ATP2A2: variants seen among roughly 807,000 people sequenced by gnomAD.
The protein encoded by ATP2A2 is ATPase sarcoplasmic/endoplasmic reticulum Ca2+ transporting 2.
A neutral mutation model predicts 109.3 loss-of-function variants in ATP2A2; 14 were observed. The observed-to-expected ratio is 0.13, with a 90% confidence interval of 0.08 to 0.20. The LOEUF (loss-of-function observed/expected upper bound fraction) is 0.20. Among genes scored for constraint, ATP2A2 ranks in the 10% least tolerant of loss-of-function variants. ATP2A2 has a pLI of 1.00. For synonymous variants in ATP2A2, 506 were observed against 490.9 expected (o/e 1.03, Z -0.41); for missense variants, 657 against 1,321.6 (o/e 0.50, Z 7.80).
At chr12:110,318,614 C>A (rs984581521) in intron 5 of ATP2A2, among the ~76,000 whole-genome samples, 4 of 152,140 alleles carry the variant, frequency 2.6e-5, no homozygotes, top group African/African-American at 9.7e-5. Context: ...GCTGGGATTG[C>A]AGGCACCCAC....
rs770994992 is a variant in ATP2A2, at chr12:110,332,628, C to T, written c.1127C>T (p.Thr376Ile). The T allele has an allele frequency of 3.7e-6, 6 of 1,613,726 alleles. No individual in the cohort carries two copies. The highest frequency in any genetic ancestry group is 2.5e-6 in the Non-Finnish European group (3 of 1,179,620). ...MFILDRVEGDTCSLNEFTITG... is the reference protein window; with the variant it reads ...MFILDRVEGDICSLNEFTITG... ...ATTCTGGACAGAGTGGAAGGTGATA[C>T]TTGTTCCCTTAATGAGTTTACCATA... The change falls in exon 9 of 20, where the codon ACT becomes ATT. Residue 376 changes from threonine (T) to isoleucine (I), a missense_variant. By Grantham distance (89) the Thr-to-Ile change is moderately conservative. Transcript: ENST00000539276.
intron 5 of ATP2A2, among the ~76,000 whole-genome samples, chr12:110,310,328 A>G (rs956094507): frequency 2.0e-5 from 3 of 148,324 alleles, no homozygotes; most frequent in Admixed American, 6.7e-5. Flanking sequence ...GTCTCCCTGT[A>G]TTACCCAGCC....
chr12:110,333,506 T>C (rs1414537138), intron 10 of ATP2A2, among the ~76,000 whole-genome samples: 1 of 152,200 alleles, frequency 6.6e-6, no homozygotes, highest in East Asian at 1.9e-4. Flanking sequence ...GTTAGTTAAC[T>C]TAAAGTTGTA....
At chr12:110,328,342 G>A (rs1017764310) in intron 8 of ATP2A2, among the ~76,000 whole-genome samples, 20 of 151,530 alleles carry the variant, frequency 1.3e-4, no homozygotes, top group Admixed American at 1.3e-3. Flanking sequence ...AGGCCGAGGC[G>A]GGTGGATCAC....
intron 4 of ATP2A2, chr12:110,295,999 A>G (rs1873922346): frequency 6.5e-6 from 1 of 153,726 alleles, no homozygotes; most frequent in African/African-American, 2.4e-5. Flanking sequence ...TTGTCATTTT[A>G]TAGACAGTAA....
chr12:110,284,607 A>G (rs1404728725), intron 3 of ATP2A2, among the ~76,000 whole-genome samples: 1 of 152,140 alleles, frequency 6.6e-6, no homozygotes, highest in Non-Finnish European at 1.5e-5. Context: ...AGAGGCTTAT[A>G]GTTTGTAAGC....
intron 5 of ATP2A2, among the ~76,000 whole-genome samples, chr12:110,314,015 G>A (rs1007147330): frequency 2.7e-5 from 4 of 149,426 alleles, no homozygotes; most frequent in Admixed American, 6.7e-5. Flanking sequence ...GTGCCCGGCC[G>A]ATAATGGAAC....
At position 110,297,030 on chromosome 12, in the gene ATP2A2, T is replaced by C. The variant is rs55792909; in HGVS notation, c.463+293T>C. Among the ~76,000 whole-genome samples the C allele has an allele frequency of 1.6e-3, 241 of 152,288 alleles. 2 individuals are homozygous for C. The highest frequency in any genetic ancestry group is 5.7e-3 in the African/African-American group (235 of 41,572). Reference sequence around the variant, plus strand: ...CTAGAGAGGTAAAACCTAATGTTGATTTGACAGTTAGTTATAGTGAACAAT... The same window carrying C: ...CTAGAGAGGTAAAACCTAATGTTGACTTGACAGTTAGTTATAGTGAACAAT... On this transcript the variant is annotated intron_variant, in intron 5 of 19. Transcript: ENST00000539276.
In ATP2A2 at chr12:110,327,792, A is replaced by G. The variant is rs373919719; in HGVS notation, c.870A>G (p.Arg290=). 6.2e-7 allele frequency: 1 copy of G among 1,614,020 alleles called. No individual in the cohort carries two copies. The highest frequency in any genetic ancestry group is 1.3e-5 in the African/African-American group (1 of 74,906). Reference sequence around the variant, plus strand: ...CGGTTCATGGAGGGTCCTGGATCAGAGGTGCTATTTACTACTTTAAAATTG... The same window carrying G: ...CGGTTCATGGAGGGTCCTGGATCAGGGGTGCTATTTACTACTTTAAAATTG... ...NDPVHGGSWI[R]GAIYYFKIAV... Residue 290 remains arginine, a synonymous_variant, in exon 8 of 20, where the codon AGA becomes AGG. Coordinates refer to ENST00000539276, the MANE Select transcript of ATP2A2 (RefSeq NM_170665.4). This position sits in a 1 kb window ranked among gnomAD's most constrained non-coding sequence, Gnocchi z 4.4.
At chr12:110,333,142 G>C in intron 9 of ATP2A2, 39 bp from the exon 10 acceptor site, 1 of 1,546,620 alleles carries the variant, frequency 6.5e-7, no homozygotes, top group Non-Finnish European at 8.9e-7. Context: ...CAATAGTGGC[G>C]ACCATACCCT....
At chr12:110,345,090 A>G in intron 17 of ATP2A2, 119 bp downstream of exon 17, 2 of 1,491,062 alleles carry the variant, frequency 1.3e-6, no homozygotes, top group African/African-American at 1.4e-5. Flanking sequence ...AGTTACATCT[A>G]AGATGATTCT....
Position 110,347,708 on chromosome 12 carries a change from TGA to T in ATP2A2, c.*1240_*1241del. ...GATCAATGTTTGCGCATGTTCGAGA[TGA>T]GTCTCACCAACAGTGTGTAAGTCAT... On this transcript the variant is annotated 3_prime_UTR_variant, in exon 20 of 20. Transcript: ENST00000539276. 4 of 1,167,318 alleles carry T rather than the reference TGA, an allele frequency of 3.4e-6. No individual in the cohort carries two copies. The South Asian group carries it at 6.9e-5, about 20-fold the overall frequency. 72.3% of individuals were successfully genotyped at this position (1,167,318 alleles called of 1,614,324 possible).
At chr12:110,296,517 C>A (rs1287425738) in intron 4 of ATP2A2, 82 bp from the exon 5 acceptor site, 5 of 1,563,994 alleles carry the variant, frequency 3.2e-6, no homozygotes, top group Middle Eastern at 1.7e-4. Flanking sequence ...AAAGATTAGA[C>A]CTCTAACATT....
chr12:110,334,426 A>AG, intron 11 of ATP2A2: 1 of 461,250 alleles, frequency 2.2e-6, no homozygotes, highest in East Asian at 4.3e-5. Context: ...TCCTAGCAGA[A>AG]GCCACCTCCT....
intron 6 of ATP2A2, among the ~76,000 whole-genome samples, chr12:110,324,565 G>A (rs1877573646): frequency 6.6e-6 from 1 of 152,138 alleles, no homozygotes; most frequent in African/African-American, 2.4e-5. Context: ...GGGATTATAG[G>A]CGTGCGCCAC....
rs144094303 is a variant in ATP2A2, at chr12:110,294,488, C to T, written c.325-2111C>T. Among the ~76,000 whole-genome samples, 217 of 152,126 alleles carry T rather than the reference C, an allele frequency of 1.4e-3. 1 individual carries two copies. The highest frequency in any genetic ancestry group is 4.9e-3 in the African/African-American group (205 of 41,528). The stretch of plus-strand genomic sequence containing the variant: ...CAGCCTGGCCAACATGGCAAGTCCC[C>T]GTCGCTACTAAAAATACAGAAAGTT... On this transcript the variant is annotated intron_variant, in intron 4 of 19. Transcript: ENST00000539276.
chr12:110,303,615 TTG>T lies in ATP2A2; in HGVS notation c.463+6879_463+6880del, dbSNP rs556006442. 1.2e-4 allele frequency among the ~76,000 whole-genome samples: 19 copies of T among 152,282 alleles called. No individual in the cohort carries two copies. The South Asian group carries it at 3.7e-3, about 30-fold the overall frequency. On this transcript the variant is annotated intron_variant, in intron 5 of 19. Coordinates refer to ENST00000539276, the MANE Select transcript of ATP2A2 (RefSeq NM_170665.4). ...TTAGTAGAGACGGGGTTTCACCGTG[TTG>T]GCCAGGATGGTCTCAAGCCCCTGAC... is the stretch of plus-strand genomic sequence containing the variant.
chr12:110,332,886 C>T (rs1226192787), intron 9 of ATP2A2, among the ~76,000 whole-genome samples: 1 of 152,196 alleles, frequency 6.6e-6, no homozygotes, highest in Non-Finnish European at 1.5e-5. Context: ...TTTGCATCTT[C>T]TGGGCTCCAA....
intron 6 of ATP2A2, among the ~76,000 whole-genome samples, chr12:110,324,146 G>C (rs913969982): frequency 2.0e-5 from 3 of 152,152 alleles, no homozygotes; most frequent in African/African-American, 7.2e-5. Context: ...TAAATACAAT[G>C]CTAACTTGGA....
Sources: allele counts gnomAD v4.1 joint callset (sites outside exome capture counted in the v4.1 genomes callset), GRCh38; gene constraint gnomAD v4.1.1; non-coding constraint Gnocchi (gnomAD v3.1); transcripts MANE v1.5; gene names NCBI Gene and HGNC (gene_info 2026-07-23, HGNC 2026-07-21).